Variants in SV2C observed in about 807,000 individuals in gnomAD.
SV2C encodes the protein synaptic vesicle glycoprotein 2C, also known as solute carrier family 22 member B3.
Under a neutral mutation model 79.7 loss-of-function variants are expected in SV2C, and 49 were observed. The observed-to-expected ratio is 0.61, with a 90% confidence interval of 0.49 to 0.78. SV2C has a LOEUF of 0.78. SV2C is among the 30% of genes least tolerant of loss of function. SV2C has a pLI of 0.00. For missense variants in SV2C, 833 were observed against 912.9 expected (o/e 0.91, Z 1.13); for synonymous variants, 334 against 333.2 (o/e 1.00, Z -0.03).
the SV2C span, among the ~76,000 whole-genome samples, chr5:75,856,137 G>A: frequency 2.6e-5 from 4 of 152,108 alleles, no homozygotes; most frequent in Non-Finnish European, 4.4e-5. Flanking sequence ...TCTTTTTGGG[G>A]CTGAATAGTA....
chr5:75,860,704 A>G, the SV2C span, among the ~76,000 whole-genome samples: 2 of 152,262 alleles, frequency 1.3e-5, no homozygotes, highest in African/African-American at 4.8e-5. Context: ...ATAAGGCTAC[A>G]GTAACCAAAA....
intron 4 of SV2C, among the ~76,000 whole-genome samples, chr5:76,217,178 C>T (rs1242115776): frequency 6.6e-6 from 1 of 152,182 alleles, no homozygotes; most frequent in African/African-American, 2.4e-5. Context: ...AAACTTGGGG[C>T]TCCCATAAAC....
the SV2C span, among the ~76,000 whole-genome samples, chr5:75,858,965 A>G: frequency 1.3e-5 from 2 of 149,578 alleles, no homozygotes; most frequent in Non-Finnish European, 3.0e-5. Context: ...GATTTTATTT[A>G]TTTGGGTTTT....
the SV2C span, among the ~76,000 whole-genome samples, chr5:76,017,403 C>A: frequency 2.6e-5 from 4 of 152,078 alleles, no homozygotes; most frequent in African/African-American, 9.7e-5. Flanking sequence ...TCTCATACCT[C>A]AGCCTCTCAA....
At chr5:76,340,812 G>A (rs1009494235) in intron 12 of SV2C, among the ~76,000 whole-genome samples, 5 of 151,996 alleles carry the variant, frequency 3.3e-5, no homozygotes, top group African/African-American at 1.2e-4. Context: ...GTCTTGGTAT[G>A]TTGTCCAGGC....
the SV2C span, among the ~76,000 whole-genome samples, chr5:76,073,588 G>A: frequency 7.1e-6 from 1 of 140,236 alleles, no homozygotes; most frequent in African/African-American, 2.6e-5. Flanking sequence ...ATGAAATAAT[G>A]TCATTCACAG....
chr5:75,921,786 T>G, the SV2C span: 158 of 314,520 alleles, frequency 5.0e-4, no homozygotes, highest in African/African-American at 3.1e-3. Flanking sequence ...TGCCAAGGAT[T>G]GTTGTGAAGA....
At chr5:76,069,209 T>C in the SV2C span, among the ~76,000 whole-genome samples, 8 of 152,332 alleles carry the variant, frequency 5.3e-5, no homozygotes, top group East Asian at 1.5e-3. Context: ...AGATTCTCTA[T>C]ATCAACACCA....
At chr5:76,283,149 C>A (rs1218555648) in intron 4 of SV2C, among the ~76,000 whole-genome samples, 1 of 152,108 alleles carries the variant, frequency 6.6e-6, no homozygotes, top group Non-Finnish European at 1.5e-5. Flanking sequence ...CCAGTCTCTA[C>A]TAAAAATACA....
chr5:75,848,840 C>T, the SV2C span, among the ~76,000 whole-genome samples: 1 of 152,184 alleles, frequency 6.6e-6, no homozygotes, highest in Non-Finnish European at 1.5e-5. Flanking sequence ...CCTACTCTGT[C>T]AATTACCAGT....
chr5:76,291,144 G>A, intron 6 of SV2C, 77 bp from the exon 7 acceptor site: 3 of 1,123,536 alleles, frequency 2.7e-6, no homozygotes, highest in African/African-American at 1.6e-5. Context: ...TTTTGCTCCT[G>A]TAAAAACAAA....
At chr5:75,972,909 A>G in the SV2C span, among the ~76,000 whole-genome samples, 2 of 152,130 alleles carry the variant, frequency 1.3e-5, no homozygotes, top group Non-Finnish European at 2.9e-5. Flanking sequence ...TCACAATAGC[A>G]AAGACTTGGA....
At chr5:75,881,539 A>G in the SV2C span, among the ~76,000 whole-genome samples, 2 of 151,896 alleles carry the variant, frequency 1.3e-5, no homozygotes, top group Non-Finnish European at 2.9e-5. Flanking sequence ...ATTCCTAGGT[A>G]TTTTATTCTC....
the SV2C span, among the ~76,000 whole-genome samples, chr5:75,859,997 G>T: frequency 0.015 from 2,354 of 152,200 alleles, 52 homozygotes; most frequent in African/African-American, 0.051. Context: ...AGCCTCCGAA[G>T]CTCCGGTCCC....
At chr5:76,075,618 C>A in the SV2C span, 1 of 219,934 alleles carries the variant, frequency 4.5e-6, no homozygotes, top group Non-Finnish European at 9.9e-6. Flanking sequence ...TCCAAGCTGT[C>A]CTGTGGTCCA....
intron 12 of SV2C, among the ~76,000 whole-genome samples, chr5:76,340,125 TG>T (rs1238484839): frequency 6.6e-6 from 1 of 152,202 alleles, no homozygotes; most frequent in African/African-American, 2.4e-5. Flanking sequence ...TCCAGCGCCA[TG>T]ACAGTTTACA....
the SV2C span, among the ~76,000 whole-genome samples, chr5:75,861,904 C>T: frequency 6.6e-6 from 1 of 152,144 alleles, no homozygotes; most frequent in African/African-American, 2.4e-5. Flanking sequence ...AATCACACCC[C>T]AGACTTCAGC....
chr5:75,955,417 C>T, the SV2C span, among the ~76,000 whole-genome samples: 2,024 of 151,570 alleles, frequency 0.013, 21 homozygotes, highest in Non-Finnish European at 0.019. Flanking sequence ...AAGACTTAAA[C>T]GTTAGACCTA....
intron 12 of SV2C, among the ~76,000 whole-genome samples, chr5:76,323,045 T>C (rs1201071533): frequency 6.6e-6 from 1 of 152,126 alleles, no homozygotes; most frequent in Non-Finnish European, 1.5e-5. Flanking sequence ...TGGGATGTAA[T>C]TAAACTAAAG....
Sources: gnomAD v4.1 joint callset for allele counts (sites outside exome capture counted in the v4.1 genomes callset) on GRCh38, gnomAD v4.1.1 for gene constraint, MANE v1.5 for transcripts, NCBI Gene and HGNC (gene_info 2026-07-23, HGNC 2026-07-21) for gene names.